ARL14EPL: variants seen among roughly 807,000 people sequenced by gnomAD.
ARL14EPL encodes the protein ARL14 effector protein-like.
ARL14EPL carries 17 observed loss-of-function variants against 15.9 expected under a neutral mutation model. The ratio of observed to expected loss-of-function variants is 1.07; its 90% CI spans 0.73 to 1.60. The LOEUF is 1.60. ARL14EPL is among the 40% of genes most tolerant of loss of function. The probability of loss-of-function intolerance (pLI) is 0.00; values close to 1 mark genes in which losing one functional copy is unlikely to be tolerated. For missense variants in ARL14EPL, 214 were observed against 185.9 expected (o/e 1.15, Z -0.88); for synonymous variants, 78 against 63.8 (o/e 1.22, Z -1.06).
At chr5:116,040,078 C>A (rs751498176) in intron 1 of ARL14EPL, among the ~76,000 whole-genome samples, 13 of 152,106 alleles carry the variant, frequency 8.5e-5, no homozygotes, top group Non-Finnish European at 1.9e-4. Flanking sequence ...CCCAACTTAG[C>A]AACTCGAAAC....
At chr5:116,037,281 A>G (rs1434398241) in intron 1 of ARL14EPL, among the ~76,000 whole-genome samples, 1 of 152,226 alleles carries the variant, frequency 6.6e-6, no homozygotes, top group Non-Finnish European at 1.5e-5. Flanking sequence ...CATGGACTAT[A>G]TGGTCTCCAA....
chr5:116,033,221 A>G (rs1748990414), intron 1 of ARL14EPL, among the ~76,000 whole-genome samples: 1 of 152,130 alleles, frequency 6.6e-6, no homozygotes, highest in Non-Finnish European at 1.5e-5. Flanking sequence ...TTGAGTTACT[A>G]TTTTCATACT....
rs752525284 is a variant in ARL14EPL, at chr5:116,058,743, C to T, written c.255C>T (p.Asp85=). 6.5e-7 allele frequency: 1 copy of T among 1,534,988 alleles called. No individual in the cohort carries two copies. The highest frequency in any genetic ancestry group is 8.7e-7 in the Non-Finnish European group (1 of 1,146,904). The part of the protein sequence containing the change: ...STKYKIMRKY[D]KSGRLICNDA... ...TTTGTAGAATAATGAGGAAGTATGA[C>T]AAAAGTGGCAGGCTCATCTGTAATG... Residue 85 remains aspartate (D), a synonymous_variant, in exon 4 of 4, where the codon GAC becomes GAT. Transcript: ENST00000686077.
chr5:116,050,179 C>A (rs1580415036), intron 1 of ARL14EPL, among the ~76,000 whole-genome samples: 1 of 152,228 alleles, frequency 6.6e-6, no homozygotes, highest in East Asian at 1.9e-4. Flanking sequence ...GACACATATG[C>A]AGGTTTGTTA....
chr5:116,049,558 A>C (rs1749331764), intron 1 of ARL14EPL, among the ~76,000 whole-genome samples: 1 of 152,212 alleles, frequency 6.6e-6, no homozygotes, highest in Non-Finnish European at 1.5e-5. Flanking sequence ...ATTGCATGAT[A>C]CTGAGGTTTG....
At chr5:116,058,578 G>T in intron 3 of ARL14EPL, 147 bp from the exon 4 acceptor site, 1 of 737,882 alleles carries the variant, frequency 1.4e-6, no homozygotes, top group South Asian at 1.8e-5. Context: ...CTGGAGTTCT[G>T]GTCCAGAGTA....
At position 116,059,052 on chromosome 5, in the gene ARL14EPL, A is replaced by T. The variant is rs941479718; in HGVS notation, c.*105A>T. The T allele has an allele frequency of 9.7e-7, 1 of 1,033,280 alleles. No homozygotes were observed. The highest frequency in any genetic ancestry group is 1.6e-5 in the African/African-American group (1 of 63,116). The allele number at this position is 1,033,280 out of a possible 1,614,324, so 64.0% of individuals were successfully genotyped here. A position where few individuals can be genotyped will look rare whatever the true frequency, so the allele number is the denominator to read the frequency against. Reference sequence around the variant, plus strand: ...CTTGGGGGAAATATCGAAAAAACATACTGAAGACTCATGTTCTGTCAAGCC... The same window carrying T: ...CTTGGGGGAAATATCGAAAAAACATTCTGAAGACTCATGTTCTGTCAAGCC... On this transcript the variant is annotated 3_prime_UTR_variant, in exon 4 of 4. Transcript: ENST00000686077.
At chr5:116,035,314 G>A (rs1164076126) in intron 1 of ARL14EPL, among the ~76,000 whole-genome samples, 1 of 152,178 alleles carries the variant, frequency 6.6e-6, no homozygotes, top group Non-Finnish European at 1.5e-5. Context: ...TGCTTCAGTA[G>A]GTACTTCATT....
At chr5:116,043,921 G>A (rs1006011666) in intron 1 of ARL14EPL, among the ~76,000 whole-genome samples, 1 of 152,122 alleles carries the variant, frequency 6.6e-6, no homozygotes, top group Non-Finnish European at 1.5e-5. Flanking sequence ...TAAAAGCAAG[G>A]TCAAACATTG....
In ARL14EPL at chr5:116,051,674, A is replaced by G. The variant is rs1163551692; in HGVS notation, c.96+113A>G. ...TGGGCCCAGGCAGGACCTCACAGGGAGGAGCTCTGCCGCCCAGGCTGATAG... is the reference window on the plus strand; with the variant it reads ...TGGGCCCAGGCAGGACCTCACAGGGGGGAGCTCTGCCGCCCAGGCTGATAG... On this transcript the variant is annotated intron_variant, in intron 2 of 3. Coordinates refer to ENST00000686077, the MANE Select transcript of ARL14EPL (RefSeq NM_001195581.2). 8.8e-6 allele frequency: 8 copies of G among 912,076 alleles called. No individual in the cohort carries two copies. In the Admixed American group the frequency reaches 2.1e-4, roughly 24 times the overall value. The allele number at this position is 912,076 out of a possible 1,614,324, so 56.5% of individuals were successfully genotyped here. A position where few individuals can be genotyped will look rare whatever the true frequency, so the allele number is the denominator to read the frequency against.
chr5:116,048,331 T>G (rs1166418406), intron 1 of ARL14EPL, among the ~76,000 whole-genome samples: 4 of 152,144 alleles, frequency 2.6e-5, no homozygotes, highest in Non-Finnish European at 4.4e-5. Flanking sequence ...TAAATGATCC[T>G]GAGCTGGGAA....
At chr5:116,035,323 T>C (rs1259289898) in intron 1 of ARL14EPL, among the ~76,000 whole-genome samples, 1 of 152,210 alleles carries the variant, frequency 6.6e-6, no homozygotes, top group Admixed American at 6.5e-5. Context: ...AGGTACTTCA[T>C]TTGTCATCAA....
At position 116,053,931 on chromosome 5, in the gene ARL14EPL, G is replaced by A. The variant is rs1474863878; in HGVS notation, c.97-83G>A. On this transcript the variant is annotated intron_variant, in intron 2 of 3. Coordinates refer to ENST00000686077, the MANE Select transcript of ARL14EPL (RefSeq NM_001195581.2). ...ATACTTTCATGCCTTTATGGTGAAA[G>A]TTACAGAAAGTTCATTTTGGGGAAA... is the stretch of plus-strand genomic sequence containing the variant. The A allele has an allele frequency of 9.7e-6, 12 of 1,234,864 alleles. 1 individual carries two copies. The Admixed American group carries it at 3.2e-4, about 33-fold the overall frequency. The allele number at this position is 1,234,864 out of a possible 1,614,324, so 76.5% of individuals were successfully genotyped here.
At chr5:116,039,775 T>G (rs1343425637) in intron 1 of ARL14EPL, among the ~76,000 whole-genome samples, 1 of 152,130 alleles carries the variant, frequency 6.6e-6, no homozygotes, top group East Asian at 1.9e-4. Flanking sequence ...TATGAATACA[T>G]TAGATAATTA....
At chr5:116,055,703 TTTG>T (rs1465425139) in intron 3 of ARL14EPL, among the ~76,000 whole-genome samples, 1 of 151,904 alleles carries the variant, frequency 6.6e-6, no homozygotes, top group Non-Finnish European at 1.5e-5. Context: ...AATGTGCAGG[TTTG>T]TTACACATGT....
At chr5:116,053,547 T>A (rs183727376) in intron 2 of ARL14EPL, among the ~76,000 whole-genome samples, 33 of 152,232 alleles carry the variant, frequency 2.2e-4, no homozygotes, top group African/African-American at 7.7e-4. Flanking sequence ...AGGGAGTAGC[T>A]CCGAAATGCA....
At chr5:116,056,394 G>C (rs7709130) in intron 3 of ARL14EPL, among the ~76,000 whole-genome samples, 4 of 152,272 alleles carry the variant, frequency 2.6e-5, no homozygotes. Context: ...TTCTCTGATG[G>C]CCAGTGATAA....
chr5:116,057,780 A>G (rs1749555210), intron 3 of ARL14EPL, among the ~76,000 whole-genome samples: 1 of 152,202 alleles, frequency 6.6e-6, no homozygotes, highest in South Asian at 2.1e-4. Context: ...GAACAGAAGG[A>G]GAGGAGGCAT....
chr5:116,040,619 A>G (rs1749133369), intron 1 of ARL14EPL, among the ~76,000 whole-genome samples: 1 of 151,332 alleles, frequency 6.6e-6, no homozygotes, highest in South Asian at 2.1e-4. Flanking sequence ...TAATAGTAAA[A>G]TAAGGAAAAT....
Sources: gnomAD v4.1 joint callset for allele counts (sites outside exome capture counted in the v4.1 genomes callset) on GRCh38, gnomAD v4.1.1 for gene constraint, MANE v1.5 for transcripts, NCBI Gene and HGNC (gene_info 2026-07-23, HGNC 2026-07-21) for gene names.